Variants in RAD54L observed in about 807,000 individuals in gnomAD.
The protein encoded by RAD54L is RAD54 like.
A neutral mutation model predicts 91.6 loss-of-function variants in RAD54L; 74 were observed. The ratio of observed to expected loss-of-function variants is 0.81; its 90% CI spans 0.67 to 0.98. RAD54L has a LOEUF of 0.98. Among genes scored for constraint, RAD54L ranks in the 50% least tolerant of loss-of-function variants. The pLI is 0.00. For synonymous variants in RAD54L, 304 were observed against 349.7 expected, an observed-to-expected ratio of 0.87 and a Z score of 1.46; for missense variants, 887 against 945.7, an observed-to-expected ratio of 0.94 and a Z score of 0.81.
rs183917024 is a variant in RAD54L, at chr1:46,260,706, C to T, written c.478-21C>T. 46 of 1,614,204 alleles carry T rather than the reference C, an allele frequency of 2.8e-5. No homozygotes were observed. In the Admixed American group the frequency reaches 3.8e-4, roughly 13 times the overall value. On this transcript the variant is annotated intron_variant, in intron 6 of 17. Transcript: ENST00000371975. ...GCAGCAGCGTAGGTGCCAAAGTGGA[C>T]TGAAGGCTGTTATTCTCTAGGGAGT...
chr1:46,266,622 C>T (rs1010530239), intron 8 of RAD54L, among the ~76,000 whole-genome samples: 26 of 152,190 alleles, frequency 1.7e-4, no homozygotes, highest in Non-Finnish European at 2.9e-4. Context: ...GAGGGAAGCT[C>T]TTTAGCTCTA....
At position 46,273,716 on chromosome 1, in the gene RAD54L, G is replaced by T; in HGVS notation, c.1579G>T (p.Asp527Tyr). 2 of 1,612,362 alleles carry T rather than the reference G, an allele frequency of 1.2e-6. No individual in the cohort carries two copies. Among genetic ancestry groups the T allele is most frequent in the Non-Finnish European group, 1.7e-6 (2 of 1,179,240 alleles). ...VLVSNYTQTL[D>Y]LFEKLCRARR... Reference sequence around the variant, plus strand: ...GGTGTCGAATTACACCCAGACTTTGGATCTCTTTGAGAAGCTGTGCCGTGC... The same window carrying T: ...GGTGTCGAATTACACCCAGACTTTGTATCTCTTTGAGAAGCTGTGCCGTGC... Residue 527 changes from aspartate to tyrosine, a missense_variant, in exon 14 of 18, where the codon GAT (aspartate) becomes TAT (tyrosine). Asp to Tyr is a radical substitution (Grantham distance 160). Coordinates refer to ENST00000371975, the MANE Select transcript of RAD54L (RefSeq NM_003579.4).
At chr1:46,257,986 C>T (rs1659987712) in intron 3 of RAD54L, among the ~76,000 whole-genome samples, 1 of 152,134 alleles carries the variant, frequency 6.6e-6, no homozygotes. Flanking sequence ...ATGCAAGAGG[C>T]TTAGCTCTGT....
At position 46,247,895 on chromosome 1, in the gene RAD54L, T is replaced by C. The variant is rs975274726; in HGVS notation, c.-511T>C. The stretch of plus-strand genomic sequence containing the variant: ...TTTTTTACACGCCCGCGTGGCTTCC[T>C]GCTCGACCTCCCTGAGTCTGATCCT... On this transcript the variant is annotated 5_prime_UTR_variant, in exon 1 of 18. Coordinates refer to ENST00000371975, the MANE Select transcript of RAD54L (RefSeq NM_003579.4). The C allele has an allele frequency of 7.7e-5, 18 of 232,734 alleles. No homozygotes were observed. The South Asian group carries it at 9.5e-4, about 12-fold the overall frequency. 14.4% of individuals were successfully genotyped at this position (232,734 alleles called of 1,614,324 possible).
chr1:46,277,879 T>C lies in RAD54L; in HGVS notation c.1932T>C (p.Cys644=). 1 of 1,613,938 alleles carries C rather than the reference T, an allele frequency of 6.2e-7. No individual in the cohort carries two copies. Among genetic ancestry groups the C allele is most frequent in the Non-Finnish European group, 8.5e-7 (1 of 1,179,874 alleles). Residue 644 remains cysteine (C), a synonymous_variant, in exon 17 of 18, where the codon TGT becomes TGC. Coordinates refer to ENST00000371975, the MANE Select transcript of RAD54L (RefSeq NM_003579.4). ...GCCACAAGAAGGCACTGAGCAGCTGTGTGGTGGATGAGGAGCAGGATGTAG... is the reference window on the plus strand; with the variant it reads ...GCCACAAGAAGGCACTGAGCAGCTGCGTGGTGGATGAGGAGCAGGATGTAG... ...RQSHKKALSS[C]VVDEEQDVER...
chr1:46,267,311 GTC>G (rs1421182366), intron 8 of RAD54L, 146 bp from the exon 9 acceptor site: 1 of 966,630 alleles, frequency 1.0e-6, no homozygotes, highest in Non-Finnish European at 1.6e-6. Context: ...TGATCCACCT[GTC>G]TCGGCCTCCC....
intron 3 of RAD54L, among the ~76,000 whole-genome samples, chr1:46,254,343 CCCA>C (rs780480343): frequency 6.6e-6 from 1 of 151,178 alleles, no homozygotes; most frequent in Non-Finnish European, 1.5e-5. Flanking sequence ...GTGCCTGGGG[CCCA>C]CAAGAGTCAT....
At chr1:46,249,893 G>A in intron 2 of RAD54L, 107 bp from the exon 3 acceptor site, 1 of 1,255,112 alleles carries the variant, frequency 8.0e-7, no homozygotes, top group Non-Finnish European at 1.2e-6. Flanking sequence ...CATGTGTGAA[G>A]AATTTAGCAC....
In RAD54L at chr1:46,260,936, G is replaced by A. The variant is rs773949125; in HGVS notation, c.687G>A (p.Glu229=). 3 of 1,614,234 alleles carry A rather than the reference G, an allele frequency of 1.9e-6. No individual in the cohort carries two copies. In the South Asian group the frequency reaches 3.3e-5, roughly 18 times the overall value. ...PSSLVKNWYN[E]VGKWLGGRIQ... is the part of the protein sequence containing the mutation. ...GCCTGGTGAAGAACTGGTACAATGA[G>A]GTTGGGAAATGGCTCGGAGGGAGGA... is the stretch of plus-strand genomic sequence containing the variant. Residue 229 remains glutamate, a synonymous_variant, in exon 7 of 18, where the codon GAG becomes GAA. Coordinates refer to ENST00000371975, the MANE Select transcript of RAD54L (RefSeq NM_003579.4).
rs1280564507 is a variant in RAD54L at position 46,277,979 on chromosome 1, A to T, written c.2032A>T (p.Arg678Trp). 1 of 1,614,186 alleles carries T rather than the reference A, an allele frequency of 6.2e-7. No homozygotes were observed. The highest frequency in any genetic ancestry group is 8.5e-7 in the Non-Finnish European group (1 of 1,180,028). ...AGCTAGCCTCAGTGACACACATGAC[A>T]GGTGGGGAAGTGCCCTAACCATTAT... ...DEASLSDTHD[R>W]LHCRRCVNSR... The change falls in exon 17 of 18, where the codon AGG (arginine) becomes TGG (tryptophan). Residue 678 changes from arginine to tryptophan, a missense_variant and splice_region_variant. Transcript: ENST00000371975.
At chr1:46,268,955 G>A (rs191315594) in intron 9 of RAD54L, among the ~76,000 whole-genome samples, 5 of 152,244 alleles carry the variant, frequency 3.3e-5, no homozygotes, top group Admixed American at 1.3e-4. Context: ...TTATAGAGAT[G>A]GGGTCTCATA....
chr1:46,274,152 G>A lies in RAD54L; in HGVS notation c.1625G>A (p.Arg542His), dbSNP rs764040025. The A allele has an allele frequency of 1.1e-5, 17 of 1,613,088 alleles. No homozygotes were observed. The East Asian group carries it at 1.6e-4, about 15-fold the overall frequency. Reference protein sequence around the residue: ...LCRARRYLYVRLDGTMSIKKR... With the variant: ...LCRARRYLYVHLDGTMSIKKR... Reference sequence around the variant, plus strand: ...TCCCCCTTCAGGTACTTATACGTCCGCCTGGATGGCACGATGTCCATTAAG... The same window carrying A: ...TCCCCCTTCAGGTACTTATACGTCCACCTGGATGGCACGATGTCCATTAAG... The change falls in exon 15 of 18, where the codon CGC (arginine) becomes CAC (histidine). Residue 542 changes from arginine (R) to histidine (H), a missense_variant. Coordinates refer to ENST00000371975, the MANE Select transcript of RAD54L (RefSeq NM_003579.4).
intron 3 of RAD54L, among the ~76,000 whole-genome samples, chr1:46,255,726 C>T (rs569561464): frequency 6.6e-6 from 1 of 152,036 alleles, no homozygotes; most frequent in Non-Finnish European, 1.5e-5. Flanking sequence ...ATCTCGAACA[C>T]CTGACCTCAG....
rs537921542 is a variant in RAD54L, at chr1:46,277,302, G to A, written c.1870-515G>A. ...ATTGAGCTCAAGGATAGAGTTTCAAGTTTTCAATACTGTTCTACTCTACCA... is the reference window on the plus strand; with the variant it reads ...ATTGAGCTCAAGGATAGAGTTTCAAATTTTCAATACTGTTCTACTCTACCA... On this transcript the variant is annotated intron_variant, in intron 16 of 17. Coordinates refer to ENST00000371975, the MANE Select transcript of RAD54L (RefSeq NM_003579.4). Among the ~76,000 whole-genome samples, 17 of 152,290 alleles carry A rather than the reference G, an allele frequency of 1.1e-4. 1 individual carries two copies. In the South Asian group the frequency reaches 2.5e-3, roughly 22 times the overall value.
intron 14 of RAD54L, 82 bp downstream of exon 14, chr1:46,273,829 GC>G: frequency 6.5e-7 from 1 of 1,538,452 alleles, no homozygotes; most frequent in Non-Finnish European, 8.8e-7. Context: ...GTGGATGTGG[GC>G]CAAGATCTGG....
chr1:46,259,179 T>C (rs1433278032), intron 4 of RAD54L, among the ~76,000 whole-genome samples: 2 of 151,516 alleles, frequency 1.3e-5, no homozygotes, highest in African/African-American at 2.4e-5. Context: ...TCTCTCTCTT[T>C]TTTTTTTTTT....
chr1:46,276,458 G>T (rs1163571328), intron 16 of RAD54L, among the ~76,000 whole-genome samples: 1 of 152,086 alleles, frequency 6.6e-6, no homozygotes, highest in Non-Finnish European at 1.5e-5. Flanking sequence ...ACCACACCTG[G>T]CTCCCCTTCT....
Position 46,267,473 on chromosome 1 carries a change from G to C in RAD54L, c.906G>C (p.Lys302Asn). The C allele has an allele frequency of 1.2e-6, 2 of 1,614,066 alleles. No homozygotes were observed. Among genetic ancestry groups the C allele is most frequent in the East Asian group, 2.2e-5 (1 of 44,872 alleles). ...TTCTCTTGCAGGGACACAGGCTCAA[G>C]AACTCTGAGAATCAGACTTACCAAG... ...LVICDEGHRL[K>N]NSENQTYQAL... Residue 302 changes from lysine (K) to asparagine (N), a missense_variant, in exon 9 of 18, where the codon AAG (lysine) becomes AAC (asparagine). Lys to Asn is a moderately conservative substitution (Grantham distance 94). Coordinates refer to ENST00000371975, the MANE Select transcript of RAD54L (RefSeq NM_003579.4).
At chr1:46,254,054 A>C (rs890727073) in intron 3 of RAD54L, among the ~76,000 whole-genome samples, 1 of 151,906 alleles carries the variant, frequency 6.6e-6, no homozygotes, top group Admixed American at 6.6e-5. Context: ...GGCGCACTGC[A>C]ACCTCTGCCT....
Sources: gnomAD v4.1 joint callset for allele counts (sites outside exome capture counted in the v4.1 genomes callset) on GRCh38, gnomAD v4.1.1 for gene constraint, MANE v1.5 for transcripts, NCBI Gene and HGNC (gene_info 2026-07-23, HGNC 2026-07-21) for gene names.